Variants in PTPRK observed in about 807,000 individuals in gnomAD.
The protein encoded by PTPRK is receptor-type tyrosine-protein phosphatase kappa.
A neutral mutation model predicts 178.0 loss-of-function variants in PTPRK; 75 were observed. The observed-to-expected ratio is 0.42, with a 90% confidence interval of 0.35 to 0.51. PTPRK has a LOEUF of 0.51. Among genes scored for constraint, PTPRK ranks in the 20% least tolerant of loss-of-function variants. The probability of loss-of-function intolerance (pLI) is 0.02; values close to 1 mark genes in which losing one functional copy is unlikely to be tolerated. For missense variants in PTPRK, 1,441 were observed against 1,797.8 expected, an observed-to-expected ratio of 0.80 and a Z score of 3.59; for synonymous variants, 637 against 620.6, an observed-to-expected ratio of 1.03 and a Z score of -0.39.
At chr6:128,467,527 T>A (rs2128416304) in intron 1 of PTPRK, among the ~76,000 whole-genome samples, 2 of 152,360 alleles carry the variant, frequency 1.3e-5, no homozygotes, top group Middle Eastern at 3.4e-3. Context: ...AGGTCACTGA[T>A]GACTTTCATA....
chr6:128,481,638 A>C (rs1443992820), intron 1 of PTPRK, among the ~76,000 whole-genome samples: 1 of 151,870 alleles, frequency 6.6e-6, no homozygotes, highest in Non-Finnish European at 1.5e-5. Context: ...TTGTAAATCT[A>C]CCTCCCTCTT....
intron 6 of PTPRK, among the ~76,000 whole-genome samples, chr6:128,198,246 A>G (rs1465718194): frequency 6.6e-6 from 1 of 152,198 alleles, no homozygotes; most frequent in African/African-American, 2.4e-5. Flanking sequence ...TAAACTTCTG[A>G]GAAAGATGCA....
chr6:128,401,188 T>G (rs2128371658), intron 1 of PTPRK, among the ~76,000 whole-genome samples: 2 of 152,242 alleles, frequency 1.3e-5, no homozygotes, highest in South Asian at 4.2e-4. Context: ...ACTTAAGGGG[T>G]TGGCAACCTG....
At chr6:128,157,697 T>A (rs986373688) in intron 7 of PTPRK, among the ~76,000 whole-genome samples, 4 of 152,082 alleles carry the variant, frequency 2.6e-5, no homozygotes, top group African/African-American at 9.7e-5. Context: ...CCAGTGATGA[T>A]GAACATTTTT....
chr6:128,189,693 A>C (rs372876073), intron 6 of PTPRK, among the ~76,000 whole-genome samples: 2 of 152,138 alleles, frequency 1.3e-5, no homozygotes, highest in African/African-American at 4.8e-5. Context: ...TCTTTACTTA[A>C]ATGAAAGAAT....
chr6:128,005,131 T>A lies in PTPRK; in HGVS notation c.2447A>T (p.Asp816Val), dbSNP rs146950732. ...YADQSTLHAE[D>V]PLSITFMDQH... ...GTCCATGAAGGTGATGGAAAGAGGATCTTCTGCATGCAGAGTGCTCTGATC... is the reference window on the plus strand; with the variant it reads ...GTCCATGAAGGTGATGGAAAGAGGAACTTCTGCATGCAGAGTGCTCTGATC... The change falls in exon 15 of 30, where the codon GAT (aspartate) becomes GTT (valine). Residue 816 changes from aspartate (D) to valine (V), a missense_variant. By Grantham distance (152) the Asp-to-Val change is radical. Around this residue, in one of 4 missense-constraint regions of PTPRK, gnomAD observed 945 missense variants for 1,080.6 expected, o/e 0.87. Coordinates refer to ENST00000368226, the MANE Select transcript of PTPRK (RefSeq NM_002844.4). The A allele has an allele frequency of 6.2e-5, 100 of 1,610,922 alleles. No individual in the cohort carries two copies. Among genetic ancestry groups the A allele is most frequent in the Non-Finnish European group, 7.7e-5 (91 of 1,178,230 alleles).
At chr6:128,507,366 G>A (rs1046329513) in intron 1 of PTPRK, among the ~76,000 whole-genome samples, 1 of 152,058 alleles carries the variant, frequency 6.6e-6, no homozygotes, top group Non-Finnish European at 1.5e-5. Flanking sequence ...ATTCACACTA[G>A]AGGCCCACTC....
chr6:128,326,958 T>G (rs1441480151), intron 2 of PTPRK, among the ~76,000 whole-genome samples: 1 of 152,078 alleles, frequency 6.6e-6, no homozygotes, highest in Non-Finnish European at 1.5e-5. Flanking sequence ...TCTATTTGTA[T>G]TTATAGGATA....
intron 2 of PTPRK, among the ~76,000 whole-genome samples, chr6:128,354,231 G>GATTTTTTTTTTTTTTTTTTTTTTT (rs1562341681): frequency 2.0e-5 from 1 of 49,358 alleles, no homozygotes; most frequent in African/African-American, 9.4e-5. Flanking sequence ...TTTTGTTTAT[G>GATTTTTTTTTTTTTTTTTTTTTTT]TTTTTTTTTT....
chr6:127,994,809 G>C (rs1469699956), intron 18 of PTPRK, among the ~76,000 whole-genome samples: 1 of 151,772 alleles, frequency 6.6e-6, no homozygotes, highest in East Asian at 1.9e-4. Flanking sequence ...TTTTGCCTGA[G>C]TAATTTTATT....
At chr6:128,054,012 G>T (rs1384323411) in intron 13 of PTPRK, among the ~76,000 whole-genome samples, 1 of 152,208 alleles carries the variant, frequency 6.6e-6, no homozygotes. Flanking sequence ...AACCCAAAAT[G>T]TTACATATAG....
chr6:128,082,500 T>G lies in PTPRK; in HGVS notation c.1714A>C (p.Arg572=), dbSNP rs2114999770. 1.2e-6 allele frequency: 2 copies of G among 1,613,608 alleles called. No homozygotes were observed. The highest frequency in any genetic ancestry group is 1.7e-6 in the Non-Finnish European group (2 of 1,179,656). The part of the protein sequence containing the change: ...HPGTTYQFFI[R]ASTVKGFGPA... ...CCAAAGCCTTTGACCGTGCTGGCTC[T>G]TATGAAAAACTGGTACGTGGTTCCA... The change falls in exon 10 of 30, where the codon AGA becomes CGA. Residue 572 remains arginine (R), a synonymous_variant. Coordinates refer to ENST00000368226, the MANE Select transcript of PTPRK (RefSeq NM_002844.4).
Position 128,322,183 on chromosome 6 carries a change from T to C in PTPRK, c.351A>G (p.Gly117=), listed in dbSNP as rs1393315719. The change falls in exon 3 of 30, where the codon GGA becomes GGG. Residue 117 remains glycine (G), a synonymous_variant. Coordinates refer to ENST00000368226, the MANE Select transcript of PTPRK (RefSeq NM_002844.4). ...DFSYLLYSQK[G]LNPGTLNILV... is the part of the protein sequence containing the mutation. ...ATATGTTCAAAGTGCCAGGATTCAG[T>C]CCTTTCTGGCTATATAATAGGTAAC... 5 of 1,613,814 alleles carry C rather than the reference T, an allele frequency of 3.1e-6. No homozygotes were observed. The highest frequency in any genetic ancestry group is 4.2e-6 in the Non-Finnish European group (5 of 1,179,902).
intron 7 of PTPRK, among the ~76,000 whole-genome samples, chr6:128,152,237 T>C (rs1256088542): frequency 6.6e-6 from 1 of 151,898 alleles, no homozygotes. Flanking sequence ...AAGAGAATGG[T>C]TAGATGTTTT....
At chr6:128,026,045 G>T (rs999653593) in intron 13 of PTPRK, among the ~76,000 whole-genome samples, 11 of 152,226 alleles carry the variant, frequency 7.2e-5, no homozygotes, top group African/African-American at 2.4e-4. Context: ...TTTTTAAACA[G>T]AATTTTTCAA....
chr6:128,042,475 G>A (rs995996812), intron 13 of PTPRK, among the ~76,000 whole-genome samples: 13 of 152,126 alleles, frequency 8.5e-5, no homozygotes, highest in Non-Finnish European at 1.9e-4. Flanking sequence ...GAGGCTGCCT[G>A]AATTCCTTGG....
chr6:128,148,639 A>G (rs1796831329), intron 7 of PTPRK, among the ~76,000 whole-genome samples: 1 of 152,164 alleles, frequency 6.6e-6, no homozygotes, highest in African/African-American at 2.4e-5. Context: ...TTAACAGGTT[A>G]CAGATATACT....
At chr6:128,028,276 G>C (rs1348032998) in intron 13 of PTPRK, among the ~76,000 whole-genome samples, 1 of 152,046 alleles carries the variant, frequency 6.6e-6, no homozygotes, top group East Asian at 1.9e-4. Flanking sequence ...TAAAAAAAAG[G>C]AAAAAGCAAA....
rs765778158 is a variant in PTPRK at position 128,519,066 on chromosome 6, T to A, written c.100+1193A>T. On this transcript the variant is annotated intron_variant, in intron 1 of 29. Coordinates refer to ENST00000368226, the MANE Select transcript of PTPRK (RefSeq NM_002844.4). This position sits in a 1 kb window ranked among gnomAD's most constrained non-coding sequence, Gnocchi z 4.3. ...GCTGTCGCTTTTCCCGTCTTCTCCA[T>A]CACCCTCTGGCCACCACTGCGTCTC... 1.9e-6 allele frequency: 1 copy of A among 532,508 alleles called. No homozygotes were observed. The highest frequency in any genetic ancestry group is 5.5e-5 in the East Asian group (1 of 18,316). 33.0% of individuals were successfully genotyped at this position (532,508 alleles called of 1,614,324 possible).
Sources: gnomAD v4.1 joint callset for allele counts (sites outside exome capture counted in the v4.1 genomes callset) on GRCh38, gnomAD v4.1.1 for gene constraint, gnomAD v4.1.1 regional missense constraint, Gnocchi (gnomAD v3.1) non-coding constraint, MANE v1.5 for transcripts, NCBI Gene and HGNC (gene_info 2026-07-23, HGNC 2026-07-21) for gene names.